NAALADL2: variants seen among roughly 807,000 people sequenced by gnomAD.
The protein encoded by NAALADL2 is N-acetylated alpha-linked acidic dipeptidase like 2, also known as inactive N-acetylated-alpha-linked acidic dipeptidase-like protein 2.
Under a neutral mutation model 87.2 loss-of-function variants are expected in NAALADL2, and 76 were observed. That is an observed-to-expected ratio of 0.87 (90% CI 0.72 to 1.05). The LOEUF is 1.05. Ranked by LOEUF, NAALADL2 falls within the 50% of genes least tolerant of loss-of-function variation. The pLI is 0.00. For missense variants in NAALADL2, 1,089 were observed against 945.8 expected (o/e 1.15, Z -1.99); for synonymous variants, 354 against 331.0 (o/e 1.07, Z -0.75).
intron 4 of NAALADL2, among the ~76,000 whole-genome samples, chr3:175,300,406 A>C (rs1030293292): frequency 6.6e-6 from 1 of 152,180 alleles, no homozygotes; most frequent in Non-Finnish European, 1.5e-5. Flanking sequence ...TCAGCTGTGA[A>C]TCCATCTGGT....
intron 1 of NAALADL2, among the ~76,000 whole-genome samples, chr3:174,535,866 T>C (rs1487148514): frequency 6.6e-6 from 1 of 152,100 alleles, no homozygotes; most frequent in African/African-American, 2.4e-5. Flanking sequence ...TTTTTTTCTT[T>C]CTTTAAGAAG....
intron 4 of NAALADL2, among the ~76,000 whole-genome samples, chr3:175,283,680 T>C (rs1018517998): frequency 5.3e-5 from 8 of 152,154 alleles, no homozygotes; most frequent in Non-Finnish European, 8.8e-5. Context: ...GCTTTTCTTA[T>C]GTGCTCAAGG....
chr3:175,066,083 T>C (rs1234198845), intron 1 of NAALADL2, among the ~76,000 whole-genome samples: 1 of 152,096 alleles, frequency 6.6e-6, no homozygotes, highest in Admixed American at 6.6e-5. Flanking sequence ...AGAGAACAAG[T>C]GGAAATCCTG....
chr3:175,750,419 C>T (rs1223547219), intron 12 of NAALADL2, among the ~76,000 whole-genome samples: 1 of 152,036 alleles, frequency 6.6e-6, no homozygotes, highest in Non-Finnish European at 1.5e-5. Flanking sequence ...TGCCTCCACC[C>T]CTCCCTCCTT....
At chr3:174,801,261 A>G (rs970749439) in intron 3 of NAALADL2, among the ~76,000 whole-genome samples, 1 of 152,146 alleles carries the variant, frequency 6.6e-6, no homozygotes, top group Admixed American at 6.6e-5. Context: ...AGGTAATTGA[A>G]TCATGGGGGC....
At position 175,683,316 on chromosome 3, in the gene NAALADL2, T is replaced by A. The variant is rs182287765; in HGVS notation, c.1897-53990T>A. ...GAAAATTTACTAATTTTGGTCAAAT[T>A]TAGCACATAGGTAAAGATGTTCTTT... On this transcript the variant is annotated intron_variant, in intron 11 of 13. Coordinates refer to ENST00000454872, the MANE Select transcript of NAALADL2 (RefSeq NM_207015.3). Among the ~76,000 whole-genome samples the A allele has an allele frequency of 7.2e-5, 11 of 152,130 alleles. No homozygotes were observed. The East Asian group carries it at 1.9e-3, about 27-fold the overall frequency.
chr3:175,087,055 T>G (rs1470050811), intron 1 of NAALADL2, among the ~76,000 whole-genome samples: 2 of 152,144 alleles, frequency 1.3e-5, no homozygotes, highest in Non-Finnish European at 2.9e-5. Context: ...AATATTAATG[T>G]AAAATATTAA....
chr3:175,789,834 A>G (rs950988996), intron 13 of NAALADL2, among the ~76,000 whole-genome samples: 1 of 152,198 alleles, frequency 6.6e-6, no homozygotes, highest in African/African-American at 2.4e-5. Flanking sequence ...ATAGTACCAC[A>G]CATCTTACAA....
intron 9 of NAALADL2, among the ~76,000 whole-genome samples, chr3:175,561,459 A>C (rs1716261158): frequency 1.3e-5 from 2 of 152,164 alleles, no homozygotes; most frequent in African/African-American, 2.4e-5. Flanking sequence ...AGTTTCCAAA[A>C]CCCAAAAACA....
intron 2 of NAALADL2, among the ~76,000 whole-genome samples, chr3:175,107,509 CATACACACACACACACACACACACAA>C (rs1723386762): frequency 8.9e-6 from 1 of 112,260 alleles, no homozygotes; most frequent in African/African-American, 3.6e-5. Flanking sequence ...CGAACACACA[CATACACACACACACACACACACACAA>C]ACACACACAC....
chr3:175,151,184 G>C (rs762341429), intron 2 of NAALADL2, among the ~76,000 whole-genome samples: 4 of 152,174 alleles, frequency 2.6e-5, no homozygotes, highest in Non-Finnish European at 4.4e-5. Context: ...ATCTGTGTCT[G>C]CATTTACAAC....
chr3:175,055,769 A>G (rs1223659088), intron 1 of NAALADL2, among the ~76,000 whole-genome samples: 4 of 152,024 alleles, frequency 2.6e-5, no homozygotes, highest in African/African-American at 9.7e-5. Flanking sequence ...TTTTAGTACG[A>G]CCATGCTTCC....
At chr3:175,709,310 C>T (rs1482238378) in intron 11 of NAALADL2, among the ~76,000 whole-genome samples, 3 of 152,032 alleles carry the variant, frequency 2.0e-5, no homozygotes, top group African/African-American at 7.2e-5. Flanking sequence ...ATTGGACTGA[C>T]ACCTCCTGTT....
intron 3 of NAALADL2, among the ~76,000 whole-genome samples, chr3:174,817,508 G>T (rs1297514718): frequency 6.6e-6 from 1 of 152,230 alleles, no homozygotes; most frequent in East Asian, 1.9e-4. Flanking sequence ...AGGCTGAGGT[G>T]GGGGGATCAC....
At chr3:175,520,443 C>T (rs945850965) in intron 9 of NAALADL2, among the ~76,000 whole-genome samples, 59 of 151,716 alleles carry the variant, frequency 3.9e-4, no homozygotes, top group African/African-American at 4.8e-4. Context: ...GGACTACAGG[C>T]GCCCGCCACC....
chr3:174,977,377 G>A (rs970113867), intron 1 of NAALADL2, among the ~76,000 whole-genome samples: 1 of 152,072 alleles, frequency 6.6e-6, no homozygotes, highest in Non-Finnish European at 1.5e-5. Flanking sequence ...CACCCACCTC[G>A]GCCTCCCAAA....
intron 1 of NAALADL2, among the ~76,000 whole-genome samples, chr3:174,941,016 C>T (rs1738500698): frequency 6.6e-6 from 1 of 151,978 alleles, no homozygotes; most frequent in South Asian, 2.1e-4. Context: ...GTTCAGCTCT[C>T]ATTTTGGTCA....
chr3:174,567,880 C>G (rs1714471967), intron 2 of NAALADL2, among the ~76,000 whole-genome samples: 1 of 151,570 alleles, frequency 6.6e-6, no homozygotes, highest in African/African-American at 2.4e-5. Context: ...AAGATTTTAT[C>G]TTTTGAATGT....
intron 9 of NAALADL2, among the ~76,000 whole-genome samples, chr3:175,479,378 G>C (rs774878221): frequency 6.6e-6 from 1 of 151,816 alleles, no homozygotes; most frequent in Non-Finnish European, 1.5e-5. Context: ...AGAACCTTCA[G>C]TATGTTATCT....
Sources: allele counts gnomAD v4.1 joint callset (sites outside exome capture counted in the v4.1 genomes callset), GRCh38; gene constraint gnomAD v4.1.1; transcripts MANE v1.5; gene names NCBI Gene and HGNC (gene_info 2026-07-23, HGNC 2026-07-21).